The following MAP3K2 variants were observed in gnomAD, a reference collection of about 807,000 sequenced individuals.
MAP3K2 encodes MAP/ERK kinase kinase 2.
In MAP3K2, 24 loss-of-function variants were observed where a neutral mutation model predicts 80.3. The observed-to-expected ratio is 0.30, with a 90% CI of 0.22 to 0.42. The LOEUF (loss-of-function observed/expected upper bound fraction) is 0.42, where lower values mean the gene tolerates loss of function less well. Among genes scored for constraint, MAP3K2 ranks in the 10% least tolerant of loss-of-function variants. The probability of loss-of-function intolerance (pLI) is 1.00; values close to 1 mark genes in which losing one functional copy is unlikely to be tolerated. For synonymous variants in MAP3K2, 244 were observed against 253.7 expected (o/e 0.96, Z 0.36); for missense variants, 608 against 750.1 (o/e 0.81, Z 2.21).
intron 1 of MAP3K2, among the ~76,000 whole-genome samples, chr2:127,353,123 C>T (rs1174686125): frequency 5.3e-5 from 8 of 152,216 alleles, no homozygotes; most frequent in Admixed American, 1.3e-4. Flanking sequence ...GCCGCCACCC[C>T]GTCTGGGAAG....
chr2:127,322,269 G>C lies in MAP3K2; in HGVS notation c.839-17C>G. 6 of 1,504,002 alleles carry C rather than the reference G, an allele frequency of 4.0e-6. No individual in the cohort carries two copies. The highest frequency in any genetic ancestry group is 5.6e-6 in the Non-Finnish European group (6 of 1,081,076). 93.2% of individuals were successfully genotyped at this position (1,504,002 alleles called of 1,614,324 possible). ...TTTTACGACCTAAAAAATGAAAAGA[G>C]AATGACCTTATACCTTTTATTAATA... is the stretch of plus-strand genomic sequence containing the variant. On this transcript the variant is annotated splice_polypyrimidine_tract_variant and intron_variant, in intron 11 of 16. Transcript: ENST00000682094. This position sits in a 1 kb window ranked among gnomAD's most constrained non-coding sequence, Gnocchi z 4.2.
rs767466427 is a variant in MAP3K2 at position 127,317,796 on chromosome 2, T to C, written c.1195-36A>G. The C allele has an allele frequency of 3.2e-6, 5 of 1,570,580 alleles. No homozygotes were observed. In the East Asian group the frequency reaches 1.1e-4, roughly 36 times the overall value. On this transcript the variant is annotated intron_variant, in intron 13 of 16. Coordinates refer to ENST00000682094, the MANE Select transcript of MAP3K2 (RefSeq NM_001371910.2). ...GAATTCATTGTTAAGTCTTCAACAATGTCAGTAAAAGCAAAAAATTCTAAC... is the reference window on the plus strand; with the variant it reads ...GAATTCATTGTTAAGTCTTCAACAACGTCAGTAAAAGCAAAAAATTCTAAC...
intron 1 of MAP3K2, among the ~76,000 whole-genome samples, chr2:127,360,287 ACATACACTG>A (rs1686861787): frequency 6.6e-6 from 1 of 152,090 alleles, no homozygotes; most frequent in African/African-American, 2.4e-5. Context: ...AACAGTACAC[ACATACACTG>A]CATGACCCCA....
At chr2:127,348,063 GAAAC>G (rs1686629773) in intron 1 of MAP3K2, among the ~76,000 whole-genome samples, 3 of 152,110 alleles carry the variant, frequency 2.0e-5, no homozygotes, top group Non-Finnish European at 4.4e-5. Context: ...GATGAAGAGA[GAAAC>G]ATGTCCTATA....
intron 1 of MAP3K2, among the ~76,000 whole-genome samples, chr2:127,343,552 A>G (rs898061590): frequency 6.6e-6 from 1 of 152,216 alleles, no homozygotes; most frequent in African/African-American, 2.4e-5. Flanking sequence ...CAGGCCCACT[A>G]CATTAACTCT....
rs1163467587 is a variant in MAP3K2 at position 127,339,140 on chromosome 2, A to C, written c.5-90T>G. 1 of 755,954 alleles carries C rather than the reference A, an allele frequency of 1.3e-6. No homozygotes were observed. The highest frequency in any genetic ancestry group is 2.2e-6 in the Non-Finnish European group (1 of 462,132). 46.8% of individuals were successfully genotyped at this position (755,954 alleles called of 1,614,324 possible). A position where few individuals can be genotyped will look rare whatever the true frequency, so the allele number is the denominator to read the frequency against. On this transcript the variant is annotated intron_variant, in intron 2 of 16. Coordinates refer to ENST00000682094, the MANE Select transcript of MAP3K2 (RefSeq NM_001371910.2). The surrounding 1 kb of genome is among the most constrained non-coding windows in gnomAD (Gnocchi z 4.2). ...GACATCAAACACAAAATTTAAAATA[A>C]AATTTGATGTAGAGAATGTATTAAT...
intron 1 of MAP3K2, among the ~76,000 whole-genome samples, chr2:127,357,694 G>T (rs529969688): frequency 6.6e-6 from 1 of 152,126 alleles, no homozygotes; most frequent in Admixed American, 6.5e-5. Context: ...ATATATACAT[G>T]ACCAGTTAAT....
At chr2:127,360,868 AG>A (rs973455368) in intron 1 of MAP3K2, among the ~76,000 whole-genome samples, 17 of 152,240 alleles carry the variant, frequency 1.1e-4, no homozygotes, top group African/African-American at 4.1e-4. Flanking sequence ...TTAATTTCAA[AG>A]AAGTATTTCC....
intron 1 of MAP3K2, among the ~76,000 whole-genome samples, chr2:127,345,817 T>C (rs1052201820): frequency 6.6e-6 from 1 of 152,030 alleles, no homozygotes; most frequent in Non-Finnish European, 1.5e-5. Flanking sequence ...TACTTTGAGA[T>C]AAAAATGAAA....
In MAP3K2 at chr2:127,322,101, T is replaced by G. The variant is rs371488291; in HGVS notation, c.990A>C (p.Gly330=). Residue 330 remains glycine (G), a synonymous_variant, in exon 12 of 17, where the codon GGA becomes GGC. Transcript: ENST00000682094. This position sits in a 1 kb window ranked among gnomAD's most constrained non-coding sequence, Gnocchi z 4.2. ...TCAAAGTAGGATTGTCTATGTCACTTCCCCTTCTTCTTATTCGACTATCAT... is the reference window on the plus strand; with the variant it reads ...TCAAAGTAGGATTGTCTATGTCACTGCCCCTTCTTCTTATTCGACTATCAT... ...EYDDSRIRRR[G]SDIDNPTLTV... is the part of the protein sequence containing the mutation. 10 of 1,613,702 alleles carry G rather than the reference T, an allele frequency of 6.2e-6. No individual in the cohort carries two copies. The African/African-American group carries it at 1.1e-4, about 17-fold the overall frequency.
intron 1 of MAP3K2, among the ~76,000 whole-genome samples, chr2:127,352,018 A>C (rs1445987779): frequency 6.6e-6 from 1 of 152,002 alleles, no homozygotes; most frequent in Non-Finnish European, 1.5e-5. Context: ...CTGGTACTAC[A>C]GGTACGCACC....
rs746096982 is a variant in MAP3K2 at position 127,308,611 on chromosome 2, T to C, written c.1608A>G (p.Glu536=). 9 of 1,585,592 alleles carry C rather than the reference T, an allele frequency of 5.7e-6. No individual in the cohort carries two copies. Among genetic ancestry groups the C allele is most frequent in the Middle Eastern group, 1.7e-4 (1 of 5,982 alleles). ...YWMSPEVISG[E]GYGRKADIWS... Reference sequence around the variant, plus strand: ...AGATGTCTGCTTTTCTTCCATAGCCTTCTCCACTGATGACTTCAGGGCTCA... The same window carrying C: ...AGATGTCTGCTTTTCTTCCATAGCCCTCTCCACTGATGACTTCAGGGCTCA... The change falls in exon 16 of 17, where the codon GAA becomes GAG. Residue 536 remains glutamate (E), a synonymous_variant. Transcript: ENST00000682094.
At chr2:127,308,197 C>T (rs900646639) in intron 16 of MAP3K2, among the ~76,000 whole-genome samples, 1 of 151,860 alleles carries the variant, frequency 6.6e-6, no homozygotes, top group South Asian at 2.1e-4. Context: ...AGAAAATGGC[C>T]ATTTCATGTT....
At chr2:127,358,563 T>C (rs1332094110) in intron 1 of MAP3K2, among the ~76,000 whole-genome samples, 5 of 152,166 alleles carry the variant, frequency 3.3e-5, no homozygotes, top group Non-Finnish European at 5.9e-5. Context: ...GGCATATCCA[T>C]ATGACGGAAT....
chr2:127,313,024 T>A (rs1269996545), intron 15 of MAP3K2, among the ~76,000 whole-genome samples: 1 of 152,062 alleles, frequency 6.6e-6, no homozygotes, highest in Non-Finnish European at 1.5e-5. Flanking sequence ...ATAACCACCA[T>A]CAATCATATG....
chr2:127,322,067 C>A lies in MAP3K2; in HGVS notation c.1024G>T (p.Asp342Tyr). ...DIDNPTLTVM[D>Y]ISPPSRSPRA... is the part of the protein sequence containing the mutation. ...TTACAACGGCTGGGTGGGCTGATGTCCATTACGGTCAAAGTAGGATTGTCT... is the reference window on the plus strand; with the variant it reads ...TTACAACGGCTGGGTGGGCTGATGTACATTACGGTCAAAGTAGGATTGTCT... Residue 342 changes from aspartate to tyrosine, a missense_variant, in exon 12 of 17, where the codon GAC becomes TAC. Coordinates refer to ENST00000682094, the MANE Select transcript of MAP3K2 (RefSeq NM_001371910.2). This position sits in a 1 kb window ranked among gnomAD's most constrained non-coding sequence, Gnocchi z 4.2. 6.2e-7 allele frequency: 1 copy of A among 1,613,378 alleles called. No homozygotes were observed. Among genetic ancestry groups the A allele is most frequent in the Non-Finnish European group, 8.5e-7 (1 of 1,179,666 alleles).
intron 15 of MAP3K2, among the ~76,000 whole-genome samples, chr2:127,311,028 A>G (rs1028584693): frequency 7.2e-5 from 11 of 152,168 alleles, no homozygotes; most frequent in African/African-American, 2.4e-5. Context: ...ATAGTGGAGA[A>G]AAGCTACCTT....
At chr2:127,326,015 A>G (rs1686129877) in intron 8 of MAP3K2, among the ~76,000 whole-genome samples, 1 of 152,172 alleles carries the variant, frequency 6.6e-6, no homozygotes, top group Non-Finnish European at 1.5e-5. Flanking sequence ...GTCACTCTCC[A>G]GAGTTACTCA....
intron 2 of MAP3K2, among the ~76,000 whole-genome samples, chr2:127,342,705 G>T (rs980311965): frequency 2.6e-5 from 4 of 151,684 alleles, no homozygotes; most frequent in Non-Finnish European, 5.9e-5. Context: ...TATGTAAACT[G>T]AACATACACA....
Sources: gnomAD v4.1 joint callset for allele counts (sites outside exome capture counted in the v4.1 genomes callset) on GRCh38, gnomAD v4.1.1 for gene constraint, Gnocchi (gnomAD v3.1) non-coding constraint, MANE v1.5 for transcripts, NCBI Gene and HGNC (gene_info 2026-07-23, HGNC 2026-07-21) for gene names.